The following SLC45A4 variants were observed in gnomAD, a reference collection of about 807,000 sequenced individuals.
SLC45A4 encodes solute carrier family 45 member 4.
Under a neutral mutation model 63.7 loss-of-function variants are expected in SLC45A4, and 32 were observed. The ratio of observed to expected loss-of-function variants is 0.50; its 90% confidence interval spans 0.38 to 0.67. SLC45A4 has a LOEUF of 0.67. Among genes scored for constraint, SLC45A4 ranks in the 30% least tolerant of loss-of-function variants. The pLI, the probability that SLC45A4 is intolerant of heterozygous loss-of-function variation, is 0.00. For synonymous variants in SLC45A4, 535 were observed against 510.0 expected, an observed-to-expected ratio of 1.05 and a Z score of -0.66; for missense variants, 1,027 against 1,157.7, an observed-to-expected ratio of 0.89 and a Z score of 1.64.
At chr8:141,287,700 CG>C (rs1830200646) in intron 1 of SLC45A4, among the ~76,000 whole-genome samples, 4 of 152,270 alleles carry the variant, frequency 2.6e-5, no homozygotes, top group Admixed American at 6.5e-5. Flanking sequence ...CCTGCCACCC[CG>C]TTCAAGAGCT....
chr8:141,279,718 C>T (rs538570801), intron 1 of SLC45A4, among the ~76,000 whole-genome samples: 24 of 152,358 alleles, frequency 1.6e-4, no homozygotes, highest in African/African-American at 4.8e-4. Flanking sequence ...AAAACCCACA[C>T]GGACAAAGGA....
At chr8:141,243,319 A>G (rs150508020) in intron 2 of SLC45A4, among the ~76,000 whole-genome samples, 1,816 of 152,336 alleles carry the variant, frequency 0.012, 15 homozygotes, top group South Asian at 0.025. Flanking sequence ...CCCCCGCCGC[A>G]GCAAGCACGA....
intron 2 of SLC45A4, among the ~76,000 whole-genome samples, chr8:141,223,650 G>GGA (rs1364435797): frequency 2.0e-5 from 3 of 152,176 alleles, no homozygotes; most frequent in African/African-American, 7.2e-5. Flanking sequence ...TCCCTGCCTG[G>GGA]GAACCCCTCC....
intron 1 of SLC45A4, among the ~76,000 whole-genome samples, chr8:141,302,912 T>G (rs917560995): frequency 6.6e-6 from 1 of 152,062 alleles, no homozygotes; most frequent in Admixed American, 6.5e-5. Flanking sequence ...TGTATTTCCC[T>G]AAAATGATGA....
intron 2 of SLC45A4, 90 bp downstream of exon 2, chr8:141,253,899 C>T (rs1828642461): frequency 6.7e-7 from 1 of 1,496,140 alleles, no homozygotes; most frequent in Non-Finnish European, 8.9e-7. Context: ...CCAGGACGCA[C>T]CATCCTCTGC....
In SLC45A4 at chr8:141,212,344, G is replaced by A. The variant is rs750332690; in HGVS notation, c.2154C>T (p.Asn718=). Residue 718 remains asparagine (N), a synonymous_variant, in exon 8 of 9, where the codon AAC becomes AAT. Coordinates refer to ENST00000517878, the MANE Select transcript of SLC45A4 (RefSeq NM_001286646.2). ...GCTCCTCCTTGGCCTCCTCTGACAC[G>A]TTGGGATAGATCACCAGGAATGTGG... ...LTATFLVIYP[N]VSEEAKEEQK... 15 of 1,613,426 alleles carry A rather than the reference G, an allele frequency of 9.3e-6. No individual in the cohort carries two copies. The highest frequency in any genetic ancestry group is 6.6e-5 in the South Asian group (6 of 91,080).
At position 141,211,541 on chromosome 8, in the gene SLC45A4, C is replaced by T. The variant is rs745642734; in HGVS notation, c.*31G>A. 6.4e-5 allele frequency: 104 copies of T among 1,613,124 alleles called. No homozygotes were observed. Among genetic ancestry groups the T allele is most frequent in the Non-Finnish European group, 7.9e-5 (93 of 1,179,904 alleles). On this transcript the variant is annotated 3_prime_UTR_variant, in exon 9 of 9. Coordinates refer to ENST00000517878, the MANE Select transcript of SLC45A4 (RefSeq NM_001286646.2). ...GCTGCCCTGGGCACAATGTGTCCAACTCGCTGAGGAAAAGAAGATACGTCA... is the reference window on the plus strand; with the variant it reads ...GCTGCCCTGGGCACAATGTGTCCAATTCGCTGAGGAAAAGAAGATACGTCA...
rs968149021 is a variant in SLC45A4 at position 141,212,238 on chromosome 8, G to T, written c.2260C>A (p.Arg754=). 2 of 1,553,438 alleles carry T rather than the reference G, an allele frequency of 1.3e-6. No homozygotes were observed. Among genetic ancestry groups the T allele is most frequent in the Non-Finnish European group, 1.7e-6 (2 of 1,146,670 alleles). The change falls in exon 8 of 9, where the codon CGG becomes AGG. Residue 754 remains arginine (R), a synonymous_variant. Coordinates refer to ENST00000517878, the MANE Select transcript of SLC45A4 (RefSeq NM_001286646.2). ...SEKPTVLKLT[R]KEGLQGPVET... ...ACCGGTCCCTGCAGGCCCTCCTTCC[G>T]CGTGAGCTTCAGCACGGTGGGCTTT...
chr8:141,240,858 G>A (rs1270763173), intron 2 of SLC45A4, among the ~76,000 whole-genome samples: 1 of 152,252 alleles, frequency 6.6e-6, no homozygotes. Context: ...ATGTGGATGT[G>A]CAGAGTGGGG....
intron 2 of SLC45A4, among the ~76,000 whole-genome samples, chr8:141,240,085 G>C (rs1827834967): frequency 6.6e-6 from 1 of 152,186 alleles, no homozygotes; most frequent in African/African-American, 2.4e-5. Context: ...TGGAAAGTCT[G>C]GTGTTTTAAA....
intron 6 of SLC45A4, among the ~76,000 whole-genome samples, chr8:141,216,373 C>T (rs566726005): frequency 6.6e-6 from 1 of 152,318 alleles, no homozygotes; most frequent in Non-Finnish European, 1.5e-5. Flanking sequence ...CACATTTTTG[C>T]TGGTTTTTCT....
chr8:141,291,313 AAGAGGGCTGGGGG>A, intron 1 of SLC45A4, among the ~76,000 whole-genome samples: 1 of 152,362 alleles, frequency 6.6e-6, no homozygotes, highest in South Asian at 2.1e-4. Context: ...AGTCTGGAGA[AAGAGGGCTGGGGG>A]ACACACACGC....
At chr8:141,241,619 G>A (rs1041845378) in intron 2 of SLC45A4, among the ~76,000 whole-genome samples, 1 of 152,056 alleles carries the variant, frequency 6.6e-6, no homozygotes, top group African/African-American at 2.4e-5. Context: ...TCTGGGAACC[G>A]CTGGTGGGCT....
Position 141,272,090 on chromosome 8 carries a change from G to A in SLC45A4, c.-400-17461C>T, listed in dbSNP as rs549562509. Among the ~76,000 whole-genome samples the A allele has an allele frequency of 2.6e-5, 4 of 152,352 alleles. No individual in the cohort carries two copies. The East Asian group carries it at 5.8e-4, about 22-fold the overall frequency. The stretch of plus-strand genomic sequence containing the variant: ...CACATCCATTCCCACACATGTGCAC[G>A]CAACACACAGGCATGCTGAGCTGAA... On this transcript the variant is annotated intron_variant, in intron 1 of 8. Coordinates refer to ENST00000517878, the MANE Select transcript of SLC45A4 (RefSeq NM_001286646.2).
chr8:141,248,794 G>A (rs1258889837), intron 2 of SLC45A4, among the ~76,000 whole-genome samples: 2 of 151,930 alleles, frequency 1.3e-5, no homozygotes, highest in Non-Finnish European at 2.9e-5. Flanking sequence ...GTGGGCAGAT[G>A]GCTTGAGCCC....
At chr8:141,216,376 G>T (rs1330151213) in intron 6 of SLC45A4, among the ~76,000 whole-genome samples, 2 of 152,216 alleles carry the variant, frequency 1.3e-5, no homozygotes, top group Non-Finnish European at 2.9e-5. Flanking sequence ...ATTTTTGCTG[G>T]TTTTTCTCAT....
At position 141,240,194 on chromosome 8, in the gene SLC45A4, T is replaced by A. The variant is rs1268151765; in HGVS notation, c.241+13795A>T. 2.0e-5 allele frequency among the ~76,000 whole-genome samples: 3 copies of A among 152,200 alleles called. No individual in the cohort carries two copies. The South Asian group carries it at 6.2e-4, about 32-fold the overall frequency. ...AAACCTGACTTCCCCCACAAATAAATCTGCAGACGTCACTTATTCATTCTC... is the reference window on the plus strand; with the variant it reads ...AAACCTGACTTCCCCCACAAATAAAACTGCAGACGTCACTTATTCATTCTC... On this transcript the variant is annotated intron_variant, in intron 2 of 8. Transcript: ENST00000517878.
chr8:141,286,611 C>T (rs934655971), intron 1 of SLC45A4, among the ~76,000 whole-genome samples: 2 of 152,168 alleles, frequency 1.3e-5, no homozygotes, highest in African/African-American at 4.8e-5. Context: ...GCTTCCTACT[C>T]ACACTTTCTT....
At chr8:141,260,228 C>CA in intron 1 of SLC45A4, among the ~76,000 whole-genome samples, 1 of 152,292 alleles carries the variant, frequency 6.6e-6, no homozygotes, top group Non-Finnish European at 1.5e-5. Flanking sequence ...GCAGTAAGTA[C>CA]AAAAATCTAC....
Sources: gnomAD v4.1 joint callset for allele counts (sites outside exome capture counted in the v4.1 genomes callset) on GRCh38, gnomAD v4.1.1 for gene constraint, MANE v1.5 for transcripts, NCBI Gene and HGNC (gene_info 2026-07-23, HGNC 2026-07-21) for gene names.